The following PCDH7 variants were observed in gnomAD, a reference collection of about 807,000 sequenced individuals.
PCDH7 encodes protocadherin-7.
In PCDH7, 17 loss-of-function variants were observed where a neutral mutation model predicts 58.9. The observed-to-expected ratio is 0.29, with a 90% CI of 0.20 to 0.43. The LOEUF is 0.43. PCDH7 is among the 20% of genes least tolerant of loss of function. The probability of loss-of-function intolerance (pLI) is 1.00; values close to 1 mark genes in which losing one functional copy is unlikely to be tolerated. For missense variants in PCDH7, 1,274 were observed against 1,441.0 expected (o/e 0.88, Z 1.88); for synonymous variants, 664 against 616.4 (o/e 1.08, Z -1.14).
chr4:30,990,532 T>G (rs1751380603), intron 3 of PCDH7, among the ~76,000 whole-genome samples: 1 of 152,156 alleles, frequency 6.6e-6, no homozygotes, highest in Non-Finnish European at 1.5e-5. Context: ...TTTACAGATG[T>G]TTTCTTTTAT....
chr4:30,761,859 G>A (rs758574113), intron 1 of PCDH7, among the ~76,000 whole-genome samples: 6 of 152,048 alleles, frequency 3.9e-5, no homozygotes, highest in Non-Finnish European at 8.8e-5. Context: ...AAAAATTCTC[G>A]CTTTAGATGT....
chr4:31,006,323 C>T (rs1752765373), intron 3 of PCDH7, among the ~76,000 whole-genome samples: 1 of 151,846 alleles, frequency 6.6e-6, no homozygotes, highest in African/African-American at 2.4e-5. Context: ...CACAAATGCA[C>T]AAAATTGAAA....
At chr4:31,063,312 ATCT>A (rs1023301007) in intron 3 of PCDH7, among the ~76,000 whole-genome samples, 1 of 151,902 alleles carries the variant, frequency 6.6e-6, no homozygotes, top group Non-Finnish European at 1.5e-5. Context: ...TATATAATAC[ATCT>A]TCTTTCTAAT....
At chr4:31,064,564 C>T (rs76102996) in intron 3 of PCDH7, among the ~76,000 whole-genome samples, 5,745 of 152,012 alleles carry the variant, frequency 0.038, 390 homozygotes, top group African/African-American at 0.13. Context: ...AAAGTAGAAC[C>T]TTTCTTGCCT....
intron 1 of PCDH7, among the ~76,000 whole-genome samples, chr4:30,871,489 G>A (rs745640891): frequency 2.0e-5 from 3 of 152,018 alleles, no homozygotes; most frequent in Non-Finnish European, 4.4e-5. Flanking sequence ...ACTTGGGTCT[G>A]ACTAAGCCAA....
chr4:30,767,911 T>C (rs1394156249), intron 1 of PCDH7, among the ~76,000 whole-genome samples: 1 of 152,168 alleles, frequency 6.6e-6, no homozygotes, highest in Non-Finnish European at 1.5e-5. Context: ...TTAAAGGAGC[T>C]GGCAAGATTG....
intron 3 of PCDH7, among the ~76,000 whole-genome samples, chr4:31,018,919 C>T (rs1467079348): frequency 6.6e-6 from 1 of 152,020 alleles, no homozygotes; most frequent in Admixed American, 6.6e-5. Flanking sequence ...ACATAACTAG[C>T]AAAAGTGAAA....
intron 3 of PCDH7, among the ~76,000 whole-genome samples, chr4:31,041,456 C>T (rs912820360): frequency 6.6e-6 from 1 of 152,112 alleles, no homozygotes; most frequent in South Asian, 2.1e-4. Flanking sequence ...TGCTAATTAT[C>T]ATGGCTGCAA....
chr4:30,870,600 A>G (rs1278688698), intron 1 of PCDH7, among the ~76,000 whole-genome samples: 1 of 152,112 alleles, frequency 6.6e-6, no homozygotes, highest in African/African-American at 2.4e-5. Flanking sequence ...CTGCAGCTTT[A>G]AAGACTATCT....
chr4:31,122,827 G>C (rs939608802), intron 3 of PCDH7, among the ~76,000 whole-genome samples: 1 of 151,772 alleles, frequency 6.6e-6, no homozygotes, highest in African/African-American at 2.4e-5. Flanking sequence ...GGGGAAATGA[G>C]AGATTATACC....
At chr4:31,007,994 C>T (rs1752907952) in intron 3 of PCDH7, among the ~76,000 whole-genome samples, 2 of 152,092 alleles carry the variant, frequency 1.3e-5, no homozygotes, top group East Asian at 1.9e-4. Context: ...TGCAGCATGA[C>T]ATGGGGTAGG....
rs190703524 is a variant in PCDH7, at chr4:30,877,682, C to A, written c.71-42471C>A. Among the ~76,000 whole-genome samples the A allele has an allele frequency of 9.6e-4, 146 of 152,172 alleles. 1 individual carries two copies. Among genetic ancestry groups the A allele is most frequent in the African/African-American group, 3.4e-3 (141 of 41,540 alleles). ...ATTCTTTTTTCCATAATTTAGTTTTCCTAAAATTTCATTCTTATTTTTATG... is the reference window on the plus strand; with the variant it reads ...ATTCTTTTTTCCATAATTTAGTTTTACTAAAATTTCATTCTTATTTTTATG... On this transcript the variant is annotated intron_variant, in intron 1 of 3. Transcript: ENST00000509759.
At chr4:30,761,207 T>C (rs1719974687) in intron 1 of PCDH7, among the ~76,000 whole-genome samples, 1 of 152,168 alleles carries the variant, frequency 6.6e-6, no homozygotes, top group Non-Finnish European at 1.5e-5. Flanking sequence ...GTTTTTAAAT[T>C]CTTACCTGCA....
At chr4:30,980,504 G>T (rs1750458757) in intron 3 of PCDH7, among the ~76,000 whole-genome samples, 1 of 152,154 alleles carries the variant, frequency 6.6e-6, no homozygotes, top group Admixed American at 6.5e-5. Flanking sequence ...GACATAAAAT[G>T]AAGCTGAACA....
Position 31,135,874 on chromosome 4 carries a change from A to G in PCDH7, c.*8-6599A>G, listed in dbSNP as rs940868222. Among the ~76,000 whole-genome samples, 3 of 152,196 alleles carry G rather than the reference A, an allele frequency of 2.0e-5. No homozygotes were observed. In the East Asian group the frequency reaches 5.8e-4, roughly 29 times the overall value. On this transcript the variant is annotated intron_variant, in intron 3 of 3. Transcript: ENST00000509759. Reference sequence around the variant, plus strand: ...TTTGTTTTCCTAAGATATTTTGAAGACTGAATTTGGATTAGGGATTGTGCA... The same window carrying G: ...TTTGTTTTCCTAAGATATTTTGAAGGCTGAATTTGGATTAGGGATTGTGCA...
intron 1 of PCDH7, among the ~76,000 whole-genome samples, chr4:30,826,794 C>T (rs998321604): frequency 1.1e-4 from 16 of 152,044 alleles, no homozygotes; most frequent in African/African-American, 3.9e-4. Context: ...AGCACCATCT[C>T]TGATCACTGC....
intron 3 of PCDH7, among the ~76,000 whole-genome samples, chr4:30,984,557 C>T (rs1420111939): frequency 6.6e-6 from 1 of 152,102 alleles, no homozygotes; most frequent in African/African-American, 2.4e-5. Flanking sequence ...ATTCTGTGAT[C>T]GTTACTGTAA....
chr4:30,785,956 C>A (rs549718522), intron 1 of PCDH7, among the ~76,000 whole-genome samples: 2 of 152,174 alleles, frequency 1.3e-5, no homozygotes, highest in African/African-American at 4.8e-5. Context: ...TGTGTACTTT[C>A]TGGCACCGAA....
chr4:30,892,412 G>T (rs1276049808), intron 1 of PCDH7, among the ~76,000 whole-genome samples: 1 of 152,048 alleles, frequency 6.6e-6, no homozygotes, highest in East Asian at 1.9e-4. Context: ...AGGAAAAAAA[G>T]GAAGAAAGTT....
Sources: allele counts gnomAD v4.1 joint callset (sites outside exome capture counted in the v4.1 genomes callset), GRCh38; gene constraint gnomAD v4.1.1; transcripts MANE v1.5; gene names NCBI Gene and HGNC (gene_info 2026-07-23, HGNC 2026-07-21).